Variants in SAMD5 observed in about 807,000 individuals in gnomAD.
The protein encoded by SAMD5 is sterile alpha motif domain-containing protein 5.
In SAMD5, 13 loss-of-function variants were observed where a neutral mutation model predicts 11.3. The observed-to-expected ratio is 1.15, with a 90% CI of 0.75 to 1.83. The LOEUF is 1.83. SAMD5 is among the 40% of genes most tolerant of loss of function. The probability of loss-of-function intolerance (pLI) is 0.00; values close to 1 mark genes in which losing one functional copy is unlikely to be tolerated. For synonymous variants in SAMD5, 129 were observed against 111.3 expected, an observed-to-expected ratio of 1.16 and a Z score of -1.00; for missense variants, 255 against 239.1, an observed-to-expected ratio of 1.07 and a Z score of -0.44.
the SAMD5 span, among the ~76,000 whole-genome samples, chr6:147,793,732 G>T: frequency 6.6e-6 from 1 of 151,996 alleles, no homozygotes; most frequent in Non-Finnish European, 1.5e-5. Flanking sequence ...AGAAAAAGTT[G>T]ACTATATTTC....
At chr6:147,547,796 C>T (rs1231475756) in intron 1 of SAMD5, among the ~76,000 whole-genome samples, 1 of 152,200 alleles carries the variant, frequency 6.6e-6, no homozygotes, top group Non-Finnish European at 1.5e-5. Context: ...AATCCGTTGA[C>T]TGCGTTTATT....
At chr6:147,627,638 C>A (rs1254500930) in intron 1 of SAMD5, among the ~76,000 whole-genome samples, 1 of 152,182 alleles carries the variant, frequency 6.6e-6, no homozygotes, top group African/African-American at 2.4e-5. Context: ...ACACACAATG[C>A]ATTCAAATGT....
the SAMD5 span, among the ~76,000 whole-genome samples, chr6:147,872,671 T>G: frequency 2.0e-5 from 3 of 152,192 alleles, no homozygotes; most frequent in Admixed American, 2.0e-4. Context: ...GGGACTGACC[T>G]GGTGCTCATG....
chr6:147,527,273 C>T (rs750703910), intron 1 of SAMD5, among the ~76,000 whole-genome samples: 61 of 152,032 alleles, frequency 4.0e-4, no homozygotes, highest in Non-Finnish European at 6.0e-4. Context: ...AGCATGGCAA[C>T]GTCTGCTTCC....
Position 147,564,406 on chromosome 6 carries a change from G to A in SAMD5, c.472G>A (p.Gly158Ser). 1.3e-6 allele frequency: 1 copy of A among 780,836 alleles called. No homozygotes were observed. Among genetic ancestry groups the A allele is most frequent in the Non-Finnish European group, 2.4e-6 (1 of 418,036 alleles). The allele number at this position is 780,836 out of a possible 1,614,324, so 48.4% of individuals were successfully genotyped here. A position where few individuals can be genotyped will look rare whatever the true frequency, so the allele number is the denominator to read the frequency against. ...TTCAAATCCACAGGTCCCAATGGCT[G>A]GCATCCTAGAGTACTTAATGAATTG... Reference protein sequence around the residue: ...PPYSRKVPMAGILEYLMNWPK... With the variant: ...PPYSRKVPMASILEYLMNWPK... The change falls in exon 2 of 2, where the codon GGC (glycine) becomes AGC (serine). Residue 158 changes from glycine (G) to serine (S), a missense_variant. Transcript: ENST00000367474.
chr6:147,671,956 A>G (rs1790802520), intron 1 of SAMD5, among the ~76,000 whole-genome samples: 2 of 145,854 alleles, frequency 1.4e-5, no homozygotes, highest in South Asian at 2.1e-4. Context: ...TTTTAAAATC[A>G]ACTTGACAAA....
intron 1 of SAMD5, among the ~76,000 whole-genome samples, chr6:147,696,736 G>A (rs1024425854): frequency 3.3e-5 from 5 of 151,970 alleles, no homozygotes; most frequent in African/African-American, 1.2e-4. Flanking sequence ...TTTGCATCTC[G>A]GCGCCCACTT....
chr6:147,735,479 T>G (rs886468734), intron 1 of SAMD5, among the ~76,000 whole-genome samples: 1 of 152,170 alleles, frequency 6.6e-6, no homozygotes, highest in South Asian at 2.1e-4. Flanking sequence ...AACTGTGACC[T>G]CTCAGCTTCA....
intron 1 of SAMD5, among the ~76,000 whole-genome samples, chr6:147,657,279 T>C (rs1790585058): frequency 6.6e-6 from 1 of 152,188 alleles, no homozygotes; most frequent in African/African-American, 2.4e-5. Context: ...CTTGGAATAT[T>C]AATTGTAGAT....
intron 1 of SAMD5, among the ~76,000 whole-genome samples, chr6:147,638,973 A>T (rs1790271782): frequency 6.6e-6 from 1 of 152,184 alleles, no homozygotes; most frequent in South Asian, 2.1e-4. Context: ...ATTTTTCCCA[A>T]TGAGATCGAA....
the SAMD5 span, among the ~76,000 whole-genome samples, chr6:147,930,722 A>G: frequency 6.6e-6 from 1 of 152,166 alleles, no homozygotes; most frequent in Non-Finnish European, 1.5e-5. Flanking sequence ...CAAGTCCCAG[A>G]GTCCGAAGGC....
chr6:147,582,329 C>T (rs1236712004), intron 1 of SAMD5, among the ~76,000 whole-genome samples: 1 of 93,818 alleles, frequency 1.1e-5, no homozygotes, highest in African/African-American at 3.9e-5. Context: ...ATCCGCACCC[C>T]CCCACCAAAA....
chr6:147,725,915 A>G (rs1791619396), intron 1 of SAMD5, among the ~76,000 whole-genome samples: 1 of 152,238 alleles, frequency 6.6e-6, no homozygotes, highest in South Asian at 2.1e-4. Flanking sequence ...TGAAGGGGCT[A>G]TTAACACTGT....
chr6:147,949,729 T>A, the SAMD5 span, among the ~76,000 whole-genome samples: 3 of 152,222 alleles, frequency 2.0e-5, no homozygotes, highest in Non-Finnish European at 4.4e-5. Flanking sequence ...TATGATTATA[T>A]AAGTGACAAT....
At chr6:147,872,834 A>G in the SAMD5 span, among the ~76,000 whole-genome samples, 2 of 152,196 alleles carry the variant, frequency 1.3e-5, no homozygotes, top group Non-Finnish European at 2.9e-5. Flanking sequence ...CTGATGCCAT[A>G]TTGAAAAAAT....
the SAMD5 span, among the ~76,000 whole-genome samples, chr6:147,949,956 A>G: frequency 6.6e-6 from 1 of 152,240 alleles, no homozygotes; most frequent in East Asian, 1.9e-4. Flanking sequence ...GACTTGTGTT[A>G]GTACTTTGCT....
At chr6:147,785,679 TGTG>T in the SAMD5 span, among the ~76,000 whole-genome samples, 6 of 152,152 alleles carry the variant, frequency 3.9e-5, no homozygotes, top group Middle Eastern at 3.2e-3. Context: ...ATATAAATAG[TGTG>T]GTGACATTTG....
chr6:147,528,141 T>C (rs1788373378), intron 1 of SAMD5, among the ~76,000 whole-genome samples: 1 of 152,076 alleles, frequency 6.6e-6, no homozygotes, highest in Admixed American at 6.5e-5. Context: ...GATTACAATT[T>C]GACATGAGAT....
chr6:147,627,844 G>C (rs1790082654), intron 1 of SAMD5, among the ~76,000 whole-genome samples: 1 of 152,150 alleles, frequency 6.6e-6, no homozygotes, highest in Admixed American at 6.6e-5. Flanking sequence ...AACTTTATTA[G>C]AGTTTTAAAA....
Sources: gnomAD v4.1 joint callset for allele counts (sites outside exome capture counted in the v4.1 genomes callset) on GRCh38, gnomAD v4.1.1 for gene constraint, MANE v1.5 for transcripts, NCBI Gene and HGNC (gene_info 2026-07-23, HGNC 2026-07-21) for gene names.